The following DLGAP2 variants were observed in gnomAD, a reference collection of about 807,000 sequenced individuals.
DLGAP2 encodes DLG associated protein 2, also known as disks large-associated protein 2.
Under a neutral mutation model 100.3 loss-of-function variants are expected in DLGAP2, and 26 were observed. That is an observed-to-expected ratio of 0.26 (90% CI 0.19 to 0.36). The LOEUF (loss-of-function observed/expected upper bound fraction) is 0.36. DLGAP2 is among the 10% of genes least tolerant of loss of function. The probability of loss-of-function intolerance (pLI) is 1.00; values close to 1 mark genes in which losing one functional copy is unlikely to be tolerated. For synonymous variants in DLGAP2, 886 were observed against 630.1 expected (o/e 1.41, Z -6.08); for missense variants, 1,858 against 1,453.2 (o/e 1.28, Z -4.53).
intron 2 of DLGAP2, among the ~76,000 whole-genome samples, chr8:968,051 C>G (rs1799924225): frequency 6.6e-6 from 1 of 151,258 alleles, no homozygotes; most frequent in Admixed American, 6.6e-5. Flanking sequence ...CACAGATGCA[C>G]ACACATTGTT....
chr8:1,460,426 C>G (rs1490497748), intron 3 of DLGAP2, among the ~76,000 whole-genome samples: 2 of 152,176 alleles, frequency 1.3e-5, no homozygotes, highest in Non-Finnish European at 2.9e-5. Flanking sequence ...TCGTGTCGTC[C>G]TCAACACAAC....
chr8:1,195,807 G>A (rs1241528942), intron 2 of DLGAP2, among the ~76,000 whole-genome samples: 2 of 152,176 alleles, frequency 1.3e-5, no homozygotes, highest in Non-Finnish European at 2.9e-5. Context: ...CCCGGAGTGC[G>A]TGACCTGCTC....
At chr8:1,169,373 T>C (rs1324448410) in intron 2 of DLGAP2, among the ~76,000 whole-genome samples, 1 of 152,294 alleles carries the variant, frequency 6.6e-6, no homozygotes, top group Admixed American at 6.5e-5. Context: ...GGGCTCTTTC[T>C]TGGTTCCATA....
chr8:1,353,343 T>C (rs1020521770), intron 3 of DLGAP2, among the ~76,000 whole-genome samples: 1 of 152,236 alleles, frequency 6.6e-6, no homozygotes, highest in East Asian at 1.9e-4. Context: ...GTGAAAGTAA[T>C]GCACATTCAT....
At chr8:1,075,866 A>G (rs1453351947) in intron 2 of DLGAP2, among the ~76,000 whole-genome samples, 2 of 152,046 alleles carry the variant, frequency 1.3e-5, no homozygotes, top group East Asian at 3.9e-4. Flanking sequence ...CAGGAGTTCA[A>G]GACCAGCCTG....
chr8:869,246 A>G (rs1358621843), intron 1 of DLGAP2, among the ~76,000 whole-genome samples: 1 of 152,186 alleles, frequency 6.6e-6, no homozygotes, highest in Non-Finnish European at 1.5e-5. Context: ...TGGAAGTCAC[A>G]GTGTGGATCT....
Position 1,678,268 on chromosome 8 carries a change from G to A in DLGAP2, c.2343G>A (p.Leu781=), listed in dbSNP as rs757170497. Residue 781 remains leucine (L), a synonymous_variant, in exon 12 of 15, where the codon CTG becomes CTA. Coordinates refer to ENST00000637795, the MANE Select transcript of DLGAP2 (RefSeq NM_001346810.2). ...NSVTAAVQAD[L]ELEGFPGHIT... ...TCACGGCCGCCGTCCAAGCTGACCT[G>A]GAGCTGGAGGGGTTCCCAGGCCACA... is the stretch of plus-strand genomic sequence containing the variant. The A allele has an allele frequency of 8.7e-6, 14 of 1,613,866 alleles. No homozygotes were observed. In the South Asian group the frequency reaches 1.2e-4, roughly 14 times the overall value.
intron 11 of DLGAP2, among the ~76,000 whole-genome samples, 174 bp downstream of exon 11, chr8:1,676,792 A>T (rs1798821689): frequency 6.6e-6 from 1 of 152,220 alleles, no homozygotes; most frequent in Non-Finnish European, 1.5e-5. Flanking sequence ...ACACCCGCCT[A>T]TGTCTTGTTT....
intron 2 of DLGAP2, among the ~76,000 whole-genome samples, chr8:959,120 G>A (rs1799663197): frequency 6.6e-6 from 1 of 152,180 alleles, no homozygotes; most frequent in South Asian, 2.1e-4. Flanking sequence ...GTAATAAAGT[G>A]ATAATATGTA....
At chr8:1,601,393 C>T (rs1182951602) in intron 6 of DLGAP2, among the ~76,000 whole-genome samples, 3 of 152,186 alleles carry the variant, frequency 2.0e-5, no homozygotes, top group Non-Finnish European at 4.4e-5. Flanking sequence ...TAGCAGAGCT[C>T]GAGCGCTGTG....
chr8:1,343,533 G>T (rs1317026965), intron 3 of DLGAP2, among the ~76,000 whole-genome samples: 2 of 152,170 alleles, frequency 1.3e-5, no homozygotes, highest in African/African-American at 2.4e-5. Context: ...ACTCTCTCAG[G>T]CTGGAAGCCC....
chr8:1,503,067 G>A lies in DLGAP2; in HGVS notation c.172+1636G>A, dbSNP rs549300065. Among the ~76,000 whole-genome samples, 72 of 152,328 alleles carry A rather than the reference G, an allele frequency of 4.7e-4. 1 individual carries two copies. The South Asian group carries it at 7.0e-3, about 15-fold the overall frequency. ...TTCTGCAGCCACACAAGTGAGCATC[G>A]AGGGATGAGGCTGGGGGGCGAAGGA... On this transcript the variant is annotated intron_variant, in intron 4 of 14. Transcript: ENST00000637795.
chr8:946,576 T>G (rs1799332885), intron 2 of DLGAP2, among the ~76,000 whole-genome samples: 1 of 152,234 alleles, frequency 6.6e-6, no homozygotes, highest in Non-Finnish European at 1.5e-5. Context: ...TCCTTAGTTT[T>G]TACTTGTCAC....
chr8:1,456,220 C>G (rs1798306422), intron 3 of DLGAP2, among the ~76,000 whole-genome samples: 1 of 152,196 alleles, frequency 6.6e-6, no homozygotes, highest in African/African-American at 2.4e-5. Context: ...GCCCTAGTCT[C>G]TCTGCCAAAC....
At chr8:1,181,850 G>A (rs953206113) in intron 2 of DLGAP2, among the ~76,000 whole-genome samples, 1 of 152,186 alleles carries the variant, frequency 6.6e-6, no homozygotes, top group African/African-American at 2.4e-5. Flanking sequence ...CTTCCTCCCT[G>A]CACGGCACCC....
At chr8:1,347,293 G>A (rs1199159060) in intron 3 of DLGAP2, among the ~76,000 whole-genome samples, 2 of 151,332 alleles carry the variant, frequency 1.3e-5, no homozygotes, top group Non-Finnish European at 2.9e-5. Flanking sequence ...CACGGTAGCT[G>A]TGTGGAGGTT....
chr8:1,624,101 A>G (rs1441565532), intron 6 of DLGAP2, among the ~76,000 whole-genome samples: 2 of 152,246 alleles, frequency 1.3e-5, no homozygotes, highest in Non-Finnish European at 2.9e-5. Flanking sequence ...CCAGATCCAG[A>G]GGACGAGAAT....
intron 3 of DLGAP2, among the ~76,000 whole-genome samples, chr8:1,438,492 A>C (rs201304479): frequency 6.6e-6 from 1 of 152,120 alleles, no homozygotes; most frequent in Admixed American, 6.5e-5. Flanking sequence ...TTAAAAAAAA[A>C]CCACCATACG....
chr8:1,059,155 G>C (rs1342793213), intron 2 of DLGAP2, among the ~76,000 whole-genome samples: 1 of 152,062 alleles, frequency 6.6e-6, no homozygotes, highest in Non-Finnish European at 1.5e-5. Context: ...TCTGCTCTGG[G>C]GCTCTGTGAC....
Sources: allele counts gnomAD v4.1 joint callset (sites outside exome capture counted in the v4.1 genomes callset), GRCh38; gene constraint gnomAD v4.1.1; transcripts MANE v1.5; gene names NCBI Gene and HGNC (gene_info 2026-07-23, HGNC 2026-07-21).